Variants in GALK2 observed in about 807,000 individuals in gnomAD.
GALK2 encodes the protein galactokinase 2, also known as N-acetylgalactosamine kinase.
In GALK2, 36 loss-of-function variants were observed where a neutral mutation model predicts 52.4. That is an observed-to-expected ratio of 0.69 (90% CI 0.53 to 0.91). The LOEUF is 0.91. Ranked by LOEUF, GALK2 falls within the 40% of genes least tolerant of loss-of-function variation. The pLI is 0.00. For missense variants in GALK2, 579 were observed against 559.1 expected (o/e 1.04, Z -0.36); for synonymous variants, 176 against 199.1 (o/e 0.88, Z 0.98).
At chr15:49,168,292 AAC>A (rs1018425113), upstream of GALK2, among the ~76,000 whole-genome samples, 141 of 152,346 alleles carry the variant, frequency 9.3e-4, no homozygotes, top group African/African-American at 3.2e-3. Flanking sequence ...TCTTTTTCGA[AAC>A]AGTTTCTACA....
chr15:49,183,383 A>C (rs527610556), intron 1 of GALK2, among the ~76,000 whole-genome samples: 1 of 152,280 alleles, frequency 6.6e-6, no homozygotes, highest in South Asian at 2.1e-4. Flanking sequence ...TGTCTCAAGA[A>C]ATTTTTAAAT....
At chr15:49,307,858 T>C (rs2035672850) in intron 8 of GALK2, among the ~76,000 whole-genome samples, 2 of 152,232 alleles carry the variant, frequency 1.3e-5, no homozygotes, top group South Asian at 4.1e-4. Context: ...TGTTTTATGT[T>C]GAAAGTGCAT....
intron 3 of GALK2, among the ~76,000 whole-genome samples, chr15:49,226,363 T>G (rs1238437049): frequency 6.6e-6 from 1 of 152,082 alleles, no homozygotes; most frequent in African/African-American, 2.4e-5. Flanking sequence ...CCACACAAGG[T>G]TCCCAGCTTC....
chr15:49,235,427 T>C (rs55979115), intron 3 of GALK2, among the ~76,000 whole-genome samples: 38,107 of 152,056 alleles, frequency 0.25, 5,941 homozygotes, highest in Non-Finnish European at 0.35. Context: ...TGTTTTTTTT[T>C]CTTAAATTGT....
At chr15:49,347,161 G>A (rs1013506027) in intron 3 of GALK2, among the ~76,000 whole-genome samples, 29 of 152,130 alleles carry the variant, frequency 1.9e-4, no homozygotes, top group Non-Finnish European at 1.0e-4. Flanking sequence ...TGAGGGAAGG[G>A]CTATTGAAAA....
intron 8 of GALK2, among the ~76,000 whole-genome samples, chr15:49,316,062 T>C (rs35692325): frequency 0.17 from 25,677 of 152,176 alleles, 2,435 homozygotes; most frequent in Non-Finnish European, 0.21. Context: ...GGATGGGATA[T>C]TGAAAATCCA....
intron 1 of GALK2, among the ~76,000 whole-genome samples, chr15:49,170,794 T>TAAAAC (rs1288821466): frequency 2.6e-5 from 4 of 152,220 alleles, no homozygotes; most frequent in Admixed American, 6.5e-5. Context: ...GCATCCTCTT[T>TAAAAC]AAAACAAAAC....
At chr15:49,227,855 T>G (rs1332809145) in intron 3 of GALK2, among the ~76,000 whole-genome samples, 1 of 152,158 alleles carries the variant, frequency 6.6e-6, no homozygotes, top group African/African-American at 2.4e-5. Context: ...GTATATATTA[T>G]CCCTTTGCTT....
Position 49,235,909 on chromosome 15 carries a change from A to C in GALK2, c.325A>C (p.Asn109His), listed in dbSNP as rs2090775456. Residue 109 changes from asparagine (N) to histidine (H), a missense_variant, in exon 4 of 10, where the codon AAC becomes CAC. Asn to His is a moderately conservative substitution (Grantham distance 68). Coordinates refer to ENST00000560031, the MANE Select transcript of GALK2 (RefSeq NM_002044.4). ...QIDKTKPLWH[N>H]YFLCGLKGIQ... ...TGATAAAACCAAGCCTTTGTGGCACAACTATTTCTTATGTGGACTTAAAGG... is the reference window on the plus strand; with the variant it reads ...TGATAAAACCAAGCCTTTGTGGCACCACTATTTCTTATGTGGACTTAAAGG... The C allele has an allele frequency of 6.2e-7, 1 of 1,613,350 alleles. No individual in the cohort carries two copies. The highest frequency in any genetic ancestry group is 8.5e-7 in the Non-Finnish European group (1 of 1,179,274).
intron 3 of GALK2, among the ~76,000 whole-genome samples, chr15:49,347,642 T>C (rs1446217050): frequency 1.3e-5 from 2 of 152,194 alleles, no homozygotes; most frequent in African/African-American, 4.8e-5. Context: ...GCTTAGTTAT[T>C]ATCATAAAGT....
intron 8 of GALK2, among the ~76,000 whole-genome samples, chr15:49,305,137 T>G (rs1206717873): frequency 6.6e-6 from 1 of 152,210 alleles, no homozygotes; most frequent in Non-Finnish European, 1.5e-5. Flanking sequence ...GTATGCTATT[T>G]TCTACCTACT....
intron 3 of GALK2, among the ~76,000 whole-genome samples, chr15:49,341,904 T>C (rs1226389229): frequency 6.6e-6 from 1 of 152,230 alleles, no homozygotes; most frequent in Non-Finnish European, 1.5e-5. Context: ...GTATGGTTGA[T>C]AAGAGTTTGG....
intron 6 of GALK2, 116 bp downstream of exon 6, chr15:49,282,201 C>T: frequency 1.6e-6 from 1 of 638,746 alleles, no homozygotes; most frequent in South Asian, 2.1e-5. Flanking sequence ...CTATATTAGG[C>T]TCTATTGTAG....
intron 5 of GALK2, among the ~76,000 whole-genome samples, chr15:49,274,309 C>T (rs1482234728): frequency 1.3e-5 from 2 of 152,172 alleles, no homozygotes; most frequent in African/African-American, 4.8e-5. Context: ...CAGCATATTA[C>T]TGTACTGAAT....
intron 5 of GALK2, among the ~76,000 whole-genome samples, chr15:49,276,970 C>CTTTTT (rs1233754984): frequency 9.2e-4 from 26 of 28,316 alleles, no homozygotes; most frequent in Admixed American, 1.6e-3. Context: ...TTTTTCTTTT[C>CTTTTT]TTTTTTTTTT....
In GALK2 at chr15:49,225,275, G is replaced by A. The variant is rs556228389; in HGVS notation, c.266+7962G>A. ...AGATAGGCCACACCATTCTTGGACT[G>A]GTCCTGTAGAGCAGGGTTCCCCAAT... On this transcript the variant is annotated intron_variant, in intron 3 of 9. Coordinates refer to ENST00000560031, the MANE Select transcript of GALK2 (RefSeq NM_002044.4). The A allele has an allele frequency of 3.1e-5, 14 of 455,614 alleles. No individual in the cohort carries two copies. In the East Asian group the frequency reaches 9.7e-4, roughly 32 times the overall value. 28.2% of individuals were successfully genotyped at this position (455,614 alleles called of 1,614,324 possible). A position where few individuals can be genotyped will look rare whatever the true frequency, so the allele number is the denominator to read the frequency against.
At chr15:49,219,312 G>C (rs1018415216) in intron 3 of GALK2, among the ~76,000 whole-genome samples, 2 of 152,126 alleles carry the variant, frequency 1.3e-5, no homozygotes, top group Admixed American at 1.3e-4. Context: ...TTTTAAAAAT[G>C]GGAGTTTCCC....
chr15:49,286,558 C>T (rs1237875063), intron 7 of GALK2, among the ~76,000 whole-genome samples: 1 of 152,106 alleles, frequency 6.6e-6, no homozygotes, highest in Non-Finnish European at 1.5e-5. Context: ...GGGGGGCATA[C>T]ATTTTTTGAA....
chr15:49,284,127 T>C (rs2141773895), intron 7 of GALK2, among the ~76,000 whole-genome samples: 1 of 152,236 alleles, frequency 6.6e-6, no homozygotes, highest in East Asian at 1.9e-4. Flanking sequence ...AAATACAGGA[T>C]TGGTGAAGTC....
Sources: gnomAD v4.1 joint callset for allele counts (sites outside exome capture counted in the v4.1 genomes callset) on GRCh38, gnomAD v4.1.1 for gene constraint, MANE v1.5 for transcripts, NCBI Gene and HGNC (gene_info 2026-07-23, HGNC 2026-07-21) for gene names.